Variants in EXOC4 observed in about 807,000 individuals in gnomAD.
EXOC4 encodes the protein SEC8-like 1.
In EXOC4, 71 loss-of-function variants were observed where a neutral mutation model predicts 107.2. The ratio of observed to expected loss-of-function variants is 0.66; its 90% CI spans 0.55 to 0.81. The LOEUF is 0.81. Ranked by LOEUF, EXOC4 falls within the 30% of genes least tolerant of loss-of-function variation. EXOC4 has a pLI of 0.00. For missense variants in EXOC4, 1,108 were observed against 1,189.6 expected (o/e 0.93, Z 1.01); for synonymous variants, 456 against 441.2 (o/e 1.03, Z -0.42).
intron 7 of EXOC4, among the ~76,000 whole-genome samples, chr7:133,450,627 G>C (rs753723288): frequency 2.0e-5 from 3 of 152,100 alleles, no homozygotes; most frequent in Non-Finnish European, 4.4e-5. Context: ...ATCATTTTCT[G>C]AGTTTTACTG....
intron 8 of EXOC4, among the ~76,000 whole-genome samples, chr7:133,475,925 TTATC>T (rs1285764530): frequency 6.6e-6 from 1 of 152,190 alleles, no homozygotes. Context: ...GGGTTTTTTT[TTATC>T]TAATTATAAC....
intron 12 of EXOC4, among the ~76,000 whole-genome samples, chr7:133,903,039 A>G (rs888992130): frequency 1.3e-5 from 2 of 152,114 alleles, no homozygotes; most frequent in Non-Finnish European, 2.9e-5. Context: ...AAAGAGTTTG[A>G]CCAGCCATCT....
chr7:134,069,986 A>G (rs759835674), downstream of EXOC4, among the ~76,000 whole-genome samples: 35 of 152,378 alleles, frequency 2.3e-4, no homozygotes, highest in Admixed American at 1.1e-3. Context: ...TCAGAAGACC[A>G]GCCAAGGGGC....
At chr7:133,697,020 C>T (rs1029074439) in intron 10 of EXOC4, among the ~76,000 whole-genome samples, 9 of 152,208 alleles carry the variant, frequency 5.9e-5, no homozygotes, top group Admixed American at 2.0e-4. Flanking sequence ...CTGGCTGCAT[C>T]ATGTTACTTA....
intron 9 of EXOC4, among the ~76,000 whole-genome samples, chr7:133,516,248 A>T (rs1040505625): frequency 6.6e-6 from 1 of 152,208 alleles, no homozygotes; most frequent in Non-Finnish European, 1.5e-5. Context: ...TGTATAATTT[A>T]GTGGTTTTTA....
intron 7 of EXOC4, among the ~76,000 whole-genome samples, chr7:133,422,041 C>T (rs1797619183): frequency 6.6e-6 from 1 of 152,184 alleles, no homozygotes; most frequent in East Asian, 1.9e-4. Flanking sequence ...ATGTTATGCC[C>T]AGTAACCTGA....
At chr7:133,257,033 A>C (rs533409944) in intron 1 of EXOC4, among the ~76,000 whole-genome samples, 124 of 152,368 alleles carry the variant, frequency 8.1e-4, no homozygotes, top group African/African-American at 2.7e-3. Flanking sequence ...TAATTATTTA[A>C]AAATTATCGA....
the EXOC4 span, among the ~76,000 whole-genome samples, chr7:134,099,484 A>G: frequency 7.0e-6 from 1 of 141,902 alleles, no homozygotes; most frequent in Non-Finnish European, 1.5e-5. Flanking sequence ...CCAGTGTATT[A>G]CCATTAGATG....
chr7:133,658,168 G>C (rs1057250486), intron 10 of EXOC4, among the ~76,000 whole-genome samples: 4 of 152,114 alleles, frequency 2.6e-5, no homozygotes, highest in African/African-American at 9.7e-5. Flanking sequence ...ATGTGCCAAG[G>C]CGGTAAGAAA....
intron 17 of EXOC4, among the ~76,000 whole-genome samples, chr7:134,053,689 A>T (rs1444037679): frequency 2.0e-5 from 3 of 151,796 alleles, no homozygotes; most frequent in Non-Finnish European, 2.9e-5. Flanking sequence ...GGAGCAAGTA[A>T]CATTTAAAAT....
the EXOC4 span, among the ~76,000 whole-genome samples, chr7:134,078,214 G>A: frequency 1.3e-5 from 2 of 151,374 alleles, no homozygotes; most frequent in Non-Finnish European, 1.5e-5. Flanking sequence ...TGTAGTATTA[G>A]TGAGCTCAGA....
intron 7 of EXOC4, among the ~76,000 whole-genome samples, chr7:133,425,639 C>T (rs1485150969): frequency 6.6e-6 from 1 of 152,182 alleles, no homozygotes; most frequent in Non-Finnish European, 1.5e-5. Flanking sequence ...ATGACGGGAA[C>T]ATGGGGAGTT....
chr7:133,992,959 G>C (rs1295278794), intron 14 of EXOC4, among the ~76,000 whole-genome samples: 1 of 151,606 alleles, frequency 6.6e-6, no homozygotes, highest in Admixed American at 6.6e-5. Flanking sequence ...TGATCATGAA[G>C]GGATATTGAA....
intron 11 of EXOC4, among the ~76,000 whole-genome samples, chr7:133,871,071 T>C (rs1391508617): frequency 6.6e-6 from 1 of 152,238 alleles, no homozygotes; most frequent in African/African-American, 2.4e-5. Flanking sequence ...TTCTGTAATA[T>C]GACAAAGGTA....
chr7:133,866,576 G>A (rs1798645385), intron 11 of EXOC4, among the ~76,000 whole-genome samples: 1 of 152,096 alleles, frequency 6.6e-6, no homozygotes, highest in South Asian at 2.1e-4. Flanking sequence ...GTTAATTTGA[G>A]GCATTGCCAC....
chr7:133,263,658 A>G (rs1244976938), intron 1 of EXOC4, among the ~76,000 whole-genome samples: 3 of 152,064 alleles, frequency 2.0e-5, no homozygotes, highest in Admixed American at 6.5e-5. Flanking sequence ...CTGGGATTAC[A>G]TGAGCCACCG....
At chr7:133,479,889 G>T (rs559307807) in intron 8 of EXOC4, among the ~76,000 whole-genome samples, 161 bp from the exon 9 acceptor site, 1 of 152,152 alleles carries the variant, frequency 6.6e-6, no homozygotes, top group Non-Finnish European at 1.5e-5. Flanking sequence ...CAAGGTCTGC[G>T]GCAGCTGGCC....
intron 7 of EXOC4, among the ~76,000 whole-genome samples, chr7:133,443,801 C>T (rs1028646455): frequency 6.6e-6 from 1 of 152,188 alleles, no homozygotes; most frequent in South Asian, 2.1e-4. Flanking sequence ...GAAACACCCC[C>T]TCTCAAAGGG....
At chr7:133,422,794 C>A (rs1041220328) in intron 7 of EXOC4, among the ~76,000 whole-genome samples, 3 of 152,100 alleles carry the variant, frequency 2.0e-5, no homozygotes, top group African/African-American at 7.2e-5. Flanking sequence ...GAAAAAAAAT[C>A]TGTAGTTAGA....
Sources: gnomAD v4.1 joint callset for allele counts (sites outside exome capture counted in the v4.1 genomes callset) on GRCh38, gnomAD v4.1.1 for gene constraint, MANE v1.5 for transcripts, NCBI Gene and HGNC (gene_info 2026-07-23, HGNC 2026-07-21) for gene names.